RTN2: variants seen among roughly 807,000 people sequenced by gnomAD.
RTN2 encodes the protein reticulon 2, also known as reticulon-2.
Under a neutral mutation model 63.7 loss-of-function variants are expected in RTN2, and 36 were observed. That is an observed-to-expected ratio of 0.56 (90% CI 0.43 to 0.75). The LOEUF (loss-of-function observed/expected upper bound fraction) is 0.75. RTN2 is among the 30% of genes least tolerant of loss of function. The pLI is 0.00. For missense variants in RTN2, 673 were observed against 705.1 expected, an observed-to-expected ratio of 0.95 and a Z score of 0.52; for synonymous variants, 312 against 313.0, an observed-to-expected ratio of 1.00 and a Z score of 0.03.
Position 45,494,795 on chromosome 19 carries a change from C to G in RTN2, c.290G>C (p.Arg97Pro). The G allele has an allele frequency of 6.2e-7, 1 of 1,604,842 alleles. No homozygotes were observed. ...CAGGCTGGGCTGAGGGTGCTGGTCTCGTGGTTCCGAGACTGAGCGGCCCTG... is the reference window on the plus strand; with the variant it reads ...CAGGCTGGGCTGAGGGTGCTGGTCTGGTGGTTCCGAGACTGAGCGGCCCTG... ...RPQGRSVSEP[R>P]DQHPQPSLGD... Residue 97 changes from arginine (R) to proline (P), a missense_variant, in exon 3 of 11, where the codon CGA (arginine) becomes CCA (proline). By Grantham distance (103) the Arg-to-Pro change is moderately radical (BLOSUM62 -2). Transcript: ENST00000245923. The surrounding 1 kb of genome is among the most constrained non-coding windows in gnomAD (Gnocchi z 5.3).
Position 45,494,039 on chromosome 19 carries a change from T to C in RTN2, c.814+127A>G. The C allele has an allele frequency of 7.2e-7, 1 of 1,388,056 alleles. No individual in the cohort carries two copies. Among genetic ancestry groups the C allele is most frequent in the East Asian group, 2.3e-5 (1 of 43,552 alleles). The allele number at this position is 1,388,056 out of a possible 1,614,324, so 86.0% of individuals were successfully genotyped here. A position where few individuals can be genotyped will look rare whatever the true frequency, so the allele number is the denominator to read the frequency against. On this transcript the variant is annotated intron_variant, in intron 4 of 10. Coordinates refer to ENST00000245923, the MANE Select transcript of RTN2 (RefSeq NM_005619.5). The surrounding 1 kb of genome is among the most constrained non-coding windows in gnomAD (Gnocchi z 5.3). ...GTTTATCACGTCTAGCCAGATGTGA[T>C]ATCACGTCTATCTCTTCCCTTTTCC...
chr19:45,491,193 T>A (rs1181579098), intron 5 of RTN2, among the ~76,000 whole-genome samples: 11 of 114,808 alleles, frequency 9.6e-5, no homozygotes, highest in Non-Finnish European at 2.2e-4. Flanking sequence ...CCCGGCCACA[T>A]TTTTTTTTTT....
chr19:45,488,576 G>C, intron 8 of RTN2, 59 bp from the exon 9 acceptor site: 7 of 1,613,260 alleles, frequency 4.3e-6, no homozygotes, highest in Non-Finnish European at 5.1e-6. Context: ...GTTCCATCTG[G>C]AGCCCTGTCC....
chr19:45,495,125 T>C lies in RTN2; in HGVS notation c.49A>G (p.Thr17Ala), dbSNP rs1968246314. The C allele has an allele frequency of 1.2e-6, 2 of 1,614,150 alleles. No individual in the cohort carries two copies. Among genetic ancestry groups the C allele is most frequent in the Non-Finnish European group, 1.7e-6 (2 of 1,180,010 alleles). ...GTGGAATCAGGAGTTGAGGAGGCTGTAGACGGAGCTTCTTCTGCGAGAGGG... is the reference window on the plus strand; with the variant it reads ...GTGGAATCAGGAGTTGAGGAGGCTGCAGACGGAGCTTCTTCTGCGAGAGGG... ...VFAHCKEAPS[T>A]ASSTPDSTEG... The change falls in exon 2 of 11, where the codon ACA (threonine) becomes GCA (alanine). Residue 17 changes from threonine to alanine, a missense_variant. Coordinates refer to ENST00000245923, the MANE Select transcript of RTN2 (RefSeq NM_005619.5).
intron 5 of RTN2, among the ~76,000 whole-genome samples, chr19:45,489,931 C>T (rs1002786965): frequency 1.9e-4 from 29 of 152,250 alleles, no homozygotes; most frequent in Middle Eastern, 3.4e-3. Flanking sequence ...AAGTTATCCT[C>T]CTGCATCAGC....
Position 45,494,816 on chromosome 19 carries a change from C to A in RTN2, c.269G>T (p.Gly90Val), listed in dbSNP as rs753666898. ...DSTARRPRPQGRSVSEPRDQH... is the reference protein window; with the variant it reads ...DSTARRPRPQVRSVSEPRDQH... ...GTCTCGTGGTTCCGAGACTGAGCGG[C>A]CCTGGGGGCGGGGGCGGCGGGCAGT... Residue 90 changes from glycine (G) to valine (V), a missense_variant, in exon 3 of 11, where the codon GGC becomes GTC. Coordinates refer to ENST00000245923, the MANE Select transcript of RTN2 (RefSeq NM_005619.5). The surrounding 1 kb of genome is among the most constrained non-coding windows in gnomAD (Gnocchi z 5.3). The A allele has an allele frequency of 1.9e-6, 3 of 1,603,812 alleles. No homozygotes were observed. The highest frequency in any genetic ancestry group is 2.2e-5 in the South Asian group (2 of 91,060).
At chr19:45,489,589 G>GCCAGGTCAGGTAC in intron 5 of RTN2, 36 bp from the exon 6 acceptor site, 1 of 1,504,450 alleles carries the variant, frequency 6.6e-7, no homozygotes, top group Non-Finnish European at 9.1e-7. Flanking sequence ...GCTTGTACCT[G>GCCAGGTCAGGTAC]ACCTGGCTGG....
At chr19:45,489,247 TGAGTCGGGGTCCGGGTGG>T in intron 6 of RTN2, 81 bp downstream of exon 6, 1 of 1,122,428 alleles carries the variant, frequency 8.9e-7, no homozygotes, top group Non-Finnish European at 1.3e-6. Flanking sequence ...ATGATCAAGA[TGAGTCGGGGTCCGGGTGG>T]GAGTCGGTGC....
intron 6 of RTN2, 99 bp downstream of exon 6, chr19:45,489,247 T>C (rs998158669): frequency 1.8e-6 from 2 of 1,122,310 alleles, no homozygotes; most frequent in African/African-American, 3.1e-5. Flanking sequence ...ATGATCAAGA[T>C]GAGTCGGGGT....
At chr19:45,496,763 A>T in intron 1 of RTN2, 29 bp downstream of exon 1, 1 of 1,467,256 alleles carries the variant, frequency 6.8e-7, no homozygotes, top group Non-Finnish European at 9.1e-7. Context: ...TCTGGGGCCC[A>T]CACCAGGCCC....
Position 45,488,701 on chromosome 19 carries a change from G to A in RTN2, c.1386C>T (p.Ala462=). ...CGAAGGTCAAGATGTAGAAGAGGAGGGCCAGCTGGGGGTGAAGGTCAGGGT... is the reference window on the plus strand; with the variant it reads ...CGAAGGTCAAGATGTAGAAGAGGAGAGCCAGCTGGGGGTGAAGGTCAGGGT... ...VEDLVDSLKL[A]LLFYILTFVG... is the part of the protein sequence containing the mutation. Residue 462 remains alanine (A), a synonymous_variant, in exon 8 of 11, where the codon GCC becomes GCT. Coordinates refer to ENST00000245923, the MANE Select transcript of RTN2 (RefSeq NM_005619.5). 3 of 1,613,596 alleles carry A rather than the reference G, an allele frequency of 1.9e-6. No homozygotes were observed. Among genetic ancestry groups the A allele is most frequent in the Non-Finnish European group, 2.5e-6 (3 of 1,179,796 alleles).
intron 5 of RTN2, among the ~76,000 whole-genome samples, chr19:45,491,656 C>T (rs1473630129): frequency 3.3e-5 from 5 of 151,926 alleles, no homozygotes; most frequent in African/African-American, 7.3e-5. Flanking sequence ...CTCAGCCTCC[C>T]GAGTAGCTGG....
intron 5 of RTN2, among the ~76,000 whole-genome samples, chr19:45,489,754 C>T (rs1238308242): frequency 1.3e-5 from 2 of 148,896 alleles, no homozygotes; most frequent in Non-Finnish European, 1.5e-5. Flanking sequence ...TCATAGCTCA[C>T]TGCAGCCTCG....
At position 45,488,665 on chromosome 19, in the gene RTN2, G is replaced by GAAGAGTCAAAC; in HGVS notation, c.1421_1422insGTTTGACTCTT (p.Ile474MetfsTer9). ...GAATGAGAAGAGTCAAACCATTGAA[G>GAAGAGTCAAAC]ATGGCACCCACGAAGGTCAAGATGT... On this transcript the variant is annotated frameshift_variant, in exon 8 of 11. Transcript: ENST00000245923. LOFTEE classifies it high-confidence loss of function. The GAAGAGTCAAAC allele has an allele frequency of 6.2e-7, 1 of 1,614,024 alleles. No homozygotes were observed. The highest frequency in any genetic ancestry group is 1.7e-5 in the Admixed American group (1 of 59,980).
intron 1 of RTN2, among the ~76,000 whole-genome samples, chr19:45,495,720 A>C (rs1410140379): frequency 6.6e-6 from 1 of 152,190 alleles, no homozygotes; most frequent in East Asian, 1.9e-4. Context: ...AAGCCAGTGC[A>C]AAGGCCCTGA....
At chr19:45,495,498 T>C (rs757940025) in intron 1 of RTN2, among the ~76,000 whole-genome samples, 24 of 152,164 alleles carry the variant, frequency 1.6e-4, no homozygotes, top group Non-Finnish European at 2.9e-4. Flanking sequence ...CTCTTTGGGA[T>C]AGACAAACAA....
At position 45,496,820 on chromosome 19, in the gene RTN2, C is replaced by A. The variant is rs535643972; in HGVS notation, c.6G>T (p.Gly2=). 6.0e-6 allele frequency: 9 copies of A among 1,511,770 alleles called. No individual in the cohort carries two copies. Among genetic ancestry groups the A allele is most frequent in the Admixed American group, 4.0e-5 (2 of 49,482 alleles). 93.6% of individuals were successfully genotyped at this position (1,511,770 alleles called of 1,614,324 possible). A position where few individuals can be genotyped will look rare whatever the true frequency, so the allele number is the denominator to read the frequency against. The change falls in exon 1 of 11, where the codon GGG becomes GGT. Residue 2 remains glycine (G), a synonymous_variant. Coordinates refer to ENST00000245923, the MANE Select transcript of RTN2 (RefSeq NM_005619.5). M[G]QVLPVFAHCK... is the part of the protein sequence containing the mutation. ...AGTGGGCGAAGACCGGCAGGACCTG[C>A]CCCATGGCCCCCCTCGGGCCTGCAT...
chr19:45,487,335 G>C (rs1197727540), intron 9 of RTN2, among the ~76,000 whole-genome samples: 1 of 151,932 alleles, frequency 6.6e-6, no homozygotes, highest in African/African-American at 2.4e-5. Flanking sequence ...GTGAGCCACT[G>C]TGCCTGGCCT....
intron 5 of RTN2, among the ~76,000 whole-genome samples, chr19:45,492,905 C>CA (rs1316681926): frequency 6.6e-6 from 1 of 152,102 alleles, no homozygotes; most frequent in Non-Finnish European, 1.5e-5. Flanking sequence ...CCCTGAGTGA[C>CA]AGCGCTGCCT....
Sources: gnomAD v4.1 joint callset for allele counts (sites outside exome capture counted in the v4.1 genomes callset) on GRCh38, gnomAD v4.1.1 for gene constraint, Gnocchi (gnomAD v3.1) non-coding constraint, MANE v1.5 for transcripts, NCBI Gene and HGNC (gene_info 2026-07-23, HGNC 2026-07-21) for gene names.